DPEP1: variants seen among roughly 807,000 people sequenced by gnomAD.
The protein encoded by DPEP1 is dipeptidase 1.
A neutral mutation model predicts 42.3 loss-of-function variants in DPEP1; 50 were observed. The ratio of observed to expected loss-of-function variants is 1.18; its 90% CI spans 0.94 to 1.50. The LOEUF is 1.50. DPEP1 is among the 40% of genes most tolerant of loss of function. DPEP1 has a pLI of 0.00. For missense variants in DPEP1, 663 were observed against 553.0 expected (o/e 1.20, Z -1.99); for synonymous variants, 297 against 234.0 (o/e 1.27, Z -2.46).
At chr16:89,631,725 C>T (rs1408749440) in intron 2 of DPEP1, among the ~76,000 whole-genome samples, 4 of 152,100 alleles carry the variant, frequency 2.6e-5, no homozygotes, top group African/African-American at 7.2e-5. Flanking sequence ...GGCATGGTGG[C>T]GCATGCCTGT....
At chr16:89,640,015 C>T (rs986038981), downstream of DPEP1, among the ~76,000 whole-genome samples, 3 of 152,184 alleles carry the variant, frequency 2.0e-5, no homozygotes, top group African/African-American at 7.2e-5. Flanking sequence ...TCTGCATCGG[C>T]GTGGCCCCCA....
intron 1 of DPEP1, among the ~76,000 whole-genome samples, chr16:89,621,008 G>A (rs929240264): frequency 6.6e-6 from 1 of 152,156 alleles, no homozygotes; most frequent in Non-Finnish European, 1.5e-5. Flanking sequence ...CCGGGTGGGG[G>A]GCCTCAGCTC....
Position 89,637,991 on chromosome 16 carries a change from C to G in DPEP1, c.1065+20C>G, listed in dbSNP as rs770491692. 1.2e-6 allele frequency: 2 copies of G among 1,607,422 alleles called. No individual in the cohort carries two copies. The highest frequency in any genetic ancestry group is 2.2e-5 in the East Asian group (1 of 44,552). On this transcript the variant is annotated intron_variant, in intron 10 of 10. Coordinates refer to ENST00000690203, the MANE Select transcript of DPEP1 (RefSeq NM_001389466.1). The stretch of plus-strand genomic sequence containing the variant: ...GAACAGGTGAGGATGGGGTGGCCAC[C>G]TGAGTCTCCCCCACCACCACCAGCA...
intron 1 of DPEP1, among the ~76,000 whole-genome samples, chr16:89,614,390 C>G (rs988091420): frequency 1.3e-5 from 2 of 152,232 alleles, no homozygotes; most frequent in Non-Finnish European, 2.9e-5. Flanking sequence ...CGGACTTACT[C>G]TCTGTTCTGG....
At chr16:89,639,596 A>C, downstream of DPEP1, among the ~76,000 whole-genome samples, 1 of 138,094 alleles carries the variant, frequency 7.2e-6, no homozygotes. Context: ...GAGCAACCCC[A>C]CCCCTGCACG....
At chr16:89,614,122 C>T (rs1001237696) in intron 1 of DPEP1, among the ~76,000 whole-genome samples, 2 of 151,968 alleles carry the variant, frequency 1.3e-5, no homozygotes, top group Non-Finnish European at 2.9e-5. Flanking sequence ...GGGGACGCGG[C>T]GGCTTCCTGG....
intron 4 of DPEP1, 53 bp from the exon 5 acceptor site, chr16:89,636,480 T>TC: frequency 6.3e-7 from 1 of 1,599,282 alleles, no homozygotes; most frequent in Non-Finnish European, 8.5e-7. Context: ...TCAGGACACC[T>TC]CACCCTCCAG....
intron 1 of DPEP1, among the ~76,000 whole-genome samples, chr16:89,623,872 T>C (rs1006787768): frequency 6.6e-6 from 1 of 151,890 alleles, no homozygotes; most frequent in African/African-American, 2.4e-5. Flanking sequence ...GAGGAAACGC[T>C]CCAGGGAGTG....
chr16:89,621,309 C>T (rs1243842292), intron 1 of DPEP1, among the ~76,000 whole-genome samples: 1 of 142,724 alleles, frequency 7.0e-6, no homozygotes, highest in African/African-American at 2.6e-5. Context: ...GGGGCCTGGG[C>T]AGGGTGAGGA....
rs569391051 is a variant in DPEP1, at chr16:89,636,343, A to G, written c.317A>G (p.His106Arg). Residue 106 changes from histidine to arginine, a missense_variant, in exon 4 of 11, where the codon CAC (histidine) becomes CGC (arginine). Coordinates refer to ENST00000690203, the MANE Select transcript of DPEP1 (RefSeq NM_001389466.1). ...RRTLEQMDVV[H>R]RMCRMYPETF... The stretch of plus-strand genomic sequence containing the variant: ...ACGCTGGAGCAGATGGACGTGGTCC[A>G]CCGCATGTGCCGGATGTACCCGGAG... 3.1e-6 allele frequency: 5 copies of G among 1,612,490 alleles called. No homozygotes were observed. The Admixed American group carries it at 6.7e-5, about 22-fold the overall frequency.
In DPEP1 at chr16:89,638,319, G is replaced by T. The variant is rs1438615054; in HGVS notation, c.*97G>T. On this transcript the variant is annotated 3_prime_UTR_variant, in exon 11 of 11. Transcript: ENST00000690203. ...ATGCCAGGAGCCCTGCTGCCCACAT[G>T]CAAGGACCAGCATCTCCTGAGAGGA... 4 of 1,442,876 alleles carry T rather than the reference G, an allele frequency of 2.8e-6. No homozygotes were observed. The highest frequency in any genetic ancestry group is 2.6e-4 in the Middle Eastern group (1 of 3,914). The allele number at this position is 1,442,876 out of a possible 1,614,324, so 89.4% of individuals were successfully genotyped here.
intron 1 of DPEP1, among the ~76,000 whole-genome samples, chr16:89,627,616 G>C (rs1030222805): frequency 1.4e-5 from 2 of 147,362 alleles, no homozygotes; most frequent in African/African-American, 5.0e-5. Flanking sequence ...AAGAGGGAAA[G>C]GAAGGGCAGG....
intron 2 of DPEP1, 90 bp from the exon 3 acceptor site, chr16:89,635,818 T>C: frequency 6.8e-7 from 1 of 1,462,888 alleles, no homozygotes; most frequent in Non-Finnish European, 9.0e-7. Context: ...GAGTAGGAAG[T>C]GGGGAGAGCA....
chr16:89,621,867 G>T (rs1429606366), intron 1 of DPEP1, among the ~76,000 whole-genome samples: 17 of 152,186 alleles, frequency 1.1e-4, no homozygotes. Flanking sequence ...GATGATCTGT[G>T]TGTGGGGGGC....
intron 1 of DPEP1, among the ~76,000 whole-genome samples, chr16:89,626,645 C>T (rs985621299): frequency 6.6e-6 from 1 of 152,160 alleles, no homozygotes; most frequent in Admixed American, 6.5e-5. Flanking sequence ...TGCGCCACCG[C>T]ACCCAGCCTA....
At chr16:89,641,396 G>A (rs369809061), downstream of DPEP1, among the ~76,000 whole-genome samples, 16 of 152,340 alleles carry the variant, frequency 1.1e-4, no homozygotes, top group Admixed American at 3.9e-4. Flanking sequence ...CTGTCCGGGC[G>A]TAACGGGGGC....
At position 89,638,202 on chromosome 16, in the gene DPEP1, CTCTG is replaced by C. The variant is rs745713611; in HGVS notation, c.1224_1227del (p.Leu410CysfsTer66). ...GCTGGCCTCCCTCGCTCCCCTGGTC[CTCTG>C]TCTGTCTCTCCTGTGAAACCTGGGA... On this transcript the variant is annotated frameshift_variant, in exon 11 of 11. Coordinates refer to ENST00000690203, the MANE Select transcript of DPEP1 (RefSeq NM_001389466.1). LOFTEE classifies it high-confidence loss of function. 4.6e-5 allele frequency: 72 copies of C among 1,575,430 alleles called. No individual in the cohort carries two copies. The highest frequency in any genetic ancestry group is 9.0e-5 in the East Asian group (4 of 44,462).
chr16:89,625,663 G>A (rs900436479), intron 1 of DPEP1, among the ~76,000 whole-genome samples: 5 of 152,196 alleles, frequency 3.3e-5, no homozygotes, highest in Non-Finnish European at 5.9e-5. Flanking sequence ...GGCACCCAGT[G>A]TAGGGCAGGA....
Position 89,636,255 on chromosome 16 carries a change from G to A in DPEP1, c.238-9G>A, listed in dbSNP as rs377231276. On this transcript the variant is annotated splice_polypyrimidine_tract_variant and intron_variant, in intron 3 of 10. Transcript: ENST00000690203. ...TGCATCAGCTCCTGGCACCCCCTGC[G>A]GCCCACAGTTCTGGTCCGTGTACAC... 32 of 1,603,886 alleles carry A rather than the reference G, an allele frequency of 2.0e-5. No individual in the cohort carries two copies. Among genetic ancestry groups the A allele is most frequent in the East Asian group, 4.5e-5 (2 of 44,592 alleles).
Sources: allele counts gnomAD v4.1 joint callset (sites outside exome capture counted in the v4.1 genomes callset), GRCh38; gene constraint gnomAD v4.1.1; transcripts MANE v1.5; gene names NCBI Gene and HGNC (gene_info 2026-07-23, HGNC 2026-07-21).